ST8SIA2: variants seen among roughly 807,000 people sequenced by gnomAD.
ST8SIA2 encodes ST8 alpha-N-acetyl-neuraminide alpha-2,8-sialyltransferase 2.
ST8SIA2 carries 22 observed loss-of-function variants against 37.6 expected under a neutral mutation model. That is an observed-to-expected ratio of 0.58 (90% CI 0.42 to 0.83). ST8SIA2 has a LOEUF of 0.83. ST8SIA2 is among the 40% of genes least tolerant of loss of function. ST8SIA2 has a pLI of 0.00. For synonymous variants in ST8SIA2, 205 were observed against 201.2 expected, an observed-to-expected ratio of 1.02 and a Z score of -0.16; for missense variants, 382 against 484.7, an observed-to-expected ratio of 0.79 and a Z score of 1.99.
At position 92,437,541 on chromosome 15, in the gene ST8SIA2, C is replaced by G. The variant is rs959062672; in HGVS notation, c.291-812C>G. Among the ~76,000 whole-genome samples, 3 of 152,096 alleles carry G rather than the reference C, an allele frequency of 2.0e-5. No individual in the cohort carries two copies. In the East Asian group the frequency reaches 5.8e-4, roughly 29 times the overall value. ...TGCAAAGGAGCCCTTCTCCGTGGAACTGGGAGGGGTCCATGTTTACAATCC... is the reference window on the plus strand; with the variant it reads ...TGCAAAGGAGCCCTTCTCCGTGGAAGTGGGAGGGGTCCATGTTTACAATCC... On this transcript the variant is annotated intron_variant, in intron 3 of 5. Coordinates refer to ENST00000268164, the MANE Select transcript of ST8SIA2 (RefSeq NM_006011.4).
At chr15:92,463,930 T>A (rs541491192) in intron 5 of ST8SIA2, among the ~76,000 whole-genome samples, 170 bp from the exon 6 acceptor site, 1 of 152,192 alleles carries the variant, frequency 6.6e-6, no homozygotes, top group East Asian at 1.9e-4. Flanking sequence ...GTTCAGTTGC[T>A]TCATGTGCTT....
chr15:92,408,788 C>G (rs1456447900), intron 1 of ST8SIA2, among the ~76,000 whole-genome samples: 1 of 151,950 alleles, frequency 6.6e-6, no homozygotes, highest in Non-Finnish European at 1.5e-5. Flanking sequence ...TCACTGCAAC[C>G]TCCACCTCCT....
chr15:92,418,202 C>G (rs1383117824), intron 1 of ST8SIA2, among the ~76,000 whole-genome samples: 1 of 151,774 alleles, frequency 6.6e-6, no homozygotes, highest in African/African-American at 2.4e-5. Context: ...GCCTATAATC[C>G]CAGCAGTTTG....
intron 4 of ST8SIA2, among the ~76,000 whole-genome samples, chr15:92,438,973 T>C (rs1234535920): frequency 6.6e-6 from 1 of 152,174 alleles, no homozygotes; most frequent in Non-Finnish European, 1.5e-5. Context: ...TGCCACCCGT[T>C]TTCATATCAT....
At chr15:92,401,281 C>T (rs983288545) in intron 1 of ST8SIA2, among the ~76,000 whole-genome samples, 1 of 152,216 alleles carries the variant, frequency 6.6e-6, no homozygotes, top group Non-Finnish European at 1.5e-5. Flanking sequence ...GCCGGCTGAC[C>T]GCCCCTGGGC....
chr15:92,394,138 T>C lies in ST8SIA2; in HGVS notation c.74T>C (p.Ile25Thr). 6.4e-7 allele frequency: 1 copy of C among 1,558,968 alleles called. No individual in the cohort carries two copies. The highest frequency in any genetic ancestry group is 8.7e-7 in the Non-Finnish European group (1 of 1,150,378). Residue 25 changes from isoleucine to threonine, a missense_variant, in exon 1 of 6, where the codon ATC becomes ACC. Coordinates refer to ENST00000268164, the MANE Select transcript of ST8SIA2 (RefSeq NM_006011.4). ...LLVVFLIFAD[I>T]SEIEEEIGNS... ...GTGGTCTTCCTCATCTTCGCAGACA[T>C]CTCAGAGATCGAAGAAGAAATCGGG...
chr15:92,444,555 A>G (rs1475772288), intron 4 of ST8SIA2, 81 bp from the exon 5 acceptor site: 1 of 1,568,974 alleles, frequency 6.4e-7, no homozygotes, highest in African/African-American at 1.4e-5. Context: ...AAGCAAGGAG[A>G]GGCAAAGGAT....
intron 1 of ST8SIA2, among the ~76,000 whole-genome samples, chr15:92,403,936 G>A (rs1345646717): frequency 1.3e-5 from 2 of 152,156 alleles, no homozygotes; most frequent in African/African-American, 2.4e-5. Flanking sequence ...CTCTTAGGCC[G>A]GCTGGACACA....
intron 5 of ST8SIA2, among the ~76,000 whole-genome samples, chr15:92,460,037 G>A (rs1258232466): frequency 1.3e-5 from 2 of 152,140 alleles, no homozygotes; most frequent in South Asian, 2.1e-4. Flanking sequence ...CTGAGGCTGG[G>A]TGTTCGTTTT....
intron 4 of ST8SIA2, among the ~76,000 whole-genome samples, chr15:92,442,566 T>C (rs1403023858): frequency 6.6e-6 from 1 of 152,152 alleles, no homozygotes; most frequent in Non-Finnish European, 1.5e-5. Context: ...ACCCAGAGCT[T>C]GGCCTAGAAT....
intron 2 of ST8SIA2, among the ~76,000 whole-genome samples, chr15:92,433,821 G>A (rs1212420321): frequency 6.6e-6 from 1 of 152,222 alleles, no homozygotes; most frequent in African/African-American, 2.4e-5. Context: ...AGGCTACAAT[G>A]ACATTGTCCT....
At chr15:92,461,623 C>G (rs1053713199) in intron 5 of ST8SIA2, among the ~76,000 whole-genome samples, 1 of 152,182 alleles carries the variant, frequency 6.6e-6, no homozygotes, top group African/African-American at 2.4e-5. Context: ...AAGGAAATAG[C>G]GCAGTGCCAT....
intron 5 of ST8SIA2, among the ~76,000 whole-genome samples, chr15:92,463,626 T>C (rs2049971588): frequency 6.6e-6 from 1 of 152,234 alleles, no homozygotes; most frequent in African/African-American, 2.4e-5. Context: ...CCCATGTGTG[T>C]TGTCTGTGGC....
intron 4 of ST8SIA2, among the ~76,000 whole-genome samples, chr15:92,442,531 G>A (rs151010517): frequency 2.5e-3 from 379 of 152,292 alleles, no homozygotes; most frequent in African/African-American, 8.5e-3. Flanking sequence ...GAACTGCATG[G>A]AGTCCACTTG....
At chr15:92,437,360 A>G (rs530547615) in intron 3 of ST8SIA2, among the ~76,000 whole-genome samples, 7 of 152,304 alleles carry the variant, frequency 4.6e-5, no homozygotes, top group Non-Finnish European at 8.8e-5. Flanking sequence ...TGTGTGTTTC[A>G]GGTAAAGCTT....
chr15:92,456,396 G>C (rs2049919934), intron 5 of ST8SIA2, among the ~76,000 whole-genome samples: 1 of 152,202 alleles, frequency 6.6e-6, no homozygotes, highest in Admixed American at 6.5e-5. Context: ...TTAAAGATTT[G>C]TGAGGTGCCC....
chr15:92,447,697 A>C (rs1596246850), intron 5 of ST8SIA2, among the ~76,000 whole-genome samples: 1 of 152,124 alleles, frequency 6.6e-6, no homozygotes, highest in Non-Finnish European at 1.5e-5. Flanking sequence ...AACAGGGAAA[A>C]CCCATTGCCC....
chr15:92,434,527 A>G, intron 3 of ST8SIA2, 152 bp downstream of exon 3: 2 of 1,260,610 alleles, frequency 1.6e-6, no homozygotes, highest in Non-Finnish European at 2.2e-6. Flanking sequence ...TCAATCGGAA[A>G]TAAAAACCCG....
At chr15:92,413,787 C>T (rs1235163353) in intron 1 of ST8SIA2, among the ~76,000 whole-genome samples, 1 of 152,188 alleles carries the variant, frequency 6.6e-6, no homozygotes, top group African/African-American at 2.4e-5. Flanking sequence ...GCAGACAATC[C>T]CTTTTCACTC....
Sources: allele counts gnomAD v4.1 joint callset (sites outside exome capture counted in the v4.1 genomes callset), GRCh38; gene constraint gnomAD v4.1.1; transcripts MANE v1.5; gene names NCBI Gene and HGNC (gene_info 2026-07-23, HGNC 2026-07-21).